The following NR1I3 variants were observed in gnomAD, a reference collection of about 807,000 sequenced individuals.
NR1I3 encodes the protein constitutive activator of retinoid response.
In NR1I3, 30 loss-of-function variants were observed where a neutral mutation model predicts 38.4. That is an observed-to-expected ratio of 0.78 (90% confidence interval 0.58 to 1.06). The LOEUF (loss-of-function observed/expected upper bound fraction) is 1.06, where lower values mean the gene tolerates loss of function less well. NR1I3 is among the 50% of genes least tolerant of loss of function. The pLI is 0.00. For synonymous variants in NR1I3, 143 were observed against 165.1 expected (o/e 0.87, Z 1.03); for missense variants, 388 against 435.7 (o/e 0.89, Z 0.97).
chr1:161,235,652 G>C, intron 3 of NR1I3, 195 bp downstream of exon 3: 1 of 570,002 alleles, frequency 1.8e-6, no homozygotes, highest in South Asian at 2.0e-5. Context: ...AGTCTGAAAG[G>C]TGTTGTGGGA....
chr1:161,236,451 A>T lies in NR1I3; in HGVS notation c.107+8T>A, dbSNP rs372989082. On this transcript the variant is annotated splice_region_variant and intron_variant, in intron 2 of 8. Coordinates refer to ENST00000367983, the MANE Select transcript of NR1I3 (RefSeq NM_005122.5). Reference sequence around the variant, plus strand: ...GAGGGCTATTTCCATTGGGGAGGAGACTCTCACCTGAAGAAACCCTTGCAG... The same window carrying T: ...GAGGGCTATTTCCATTGGGGAGGAGTCTCTCACCTGAAGAAACCCTTGCAG... 4 of 1,613,764 alleles carry T rather than the reference A, an allele frequency of 2.5e-6. No homozygotes were observed. Among genetic ancestry groups the T allele is most frequent in the Non-Finnish European group, 3.4e-6 (4 of 1,179,902 alleles).
Position 161,231,205 on chromosome 1 carries a change from CA to C in NR1I3, c.722del (p.Leu241CysfsTer50), listed in dbSNP as rs751049065. Reference protein sequence around the residue: ...RVGFQVEFLELLFHFHGTLRK... With the variant: ...RVGFQVEFLEXLFHFHGTLRK... The stretch of plus-strand genomic sequence containing the variant: ...GTAGTGTTCCATGGAAGTGAAAGAG[CA>C]ACTCCAAAAACTCTACCTGGAACCC... On this transcript the variant is annotated frameshift_variant, in exon 7 of 9. Coordinates refer to ENST00000367983, the MANE Select transcript of NR1I3 (RefSeq NM_005122.5). LOFTEE classifies it high-confidence loss of function. 8 of 1,614,106 alleles carry C rather than the reference CA, an allele frequency of 5.0e-6. No individual in the cohort carries two copies. The South Asian group carries it at 5.5e-5, about 11-fold the overall frequency.
intron 1 of NR1I3, among the ~76,000 whole-genome samples, chr1:161,237,010 G>C (rs1452620686): frequency 6.7e-6 from 1 of 149,984 alleles, no homozygotes; most frequent in African/African-American, 2.5e-5. Context: ...TTTTGAGATA[G>C]AGTCTTACTC....
intron 7 of NR1I3, 50 bp downstream of exon 7, chr1:161,231,059 CTGAGTATT>C: frequency 6.2e-6 from 10 of 1,613,598 alleles, no homozygotes; most frequent in Non-Finnish European, 8.5e-6. Flanking sequence ...ACTCAAGGAG[CTGAGTATT>C]TGGGCAGAGG....
chr1:161,233,975 A>T (rs565073952), intron 3 of NR1I3, among the ~76,000 whole-genome samples: 1 of 150,892 alleles, frequency 6.6e-6, no homozygotes, highest in East Asian at 1.9e-4. Context: ...ATATGTGTAT[A>T]TATATATTTT....
rs1667715202 is a variant in NR1I3, at chr1:161,233,079, T to TA, written c.408+89_408+90insT. The TA allele has an allele frequency of 3.8e-6, 6 of 1,576,606 alleles. No individual in the cohort carries two copies. In the African/African-American group the frequency reaches 5.4e-5, roughly 14 times the overall value. On this transcript the variant is annotated intron_variant, in intron 4 of 8. Transcript: ENST00000367983. ...GGGTTCTGGAGATCTGTTCTCAGTA[T>TA]CAGTGCATGGCATACACCCCTCTCC... is the stretch of plus-strand genomic sequence containing the variant.
chr1:161,236,128 T>G (rs2102193564), intron 2 of NR1I3, 151 bp from the exon 3 acceptor site: 5 of 844,274 alleles, frequency 5.9e-6, no homozygotes, highest in East Asian at 2.7e-5. Context: ...ATCCAACACA[T>G]CTCAAGCATT....
chr1:161,230,716 G>T, intron 8 of NR1I3, 97 bp downstream of exon 8: 1 of 1,544,936 alleles, frequency 6.5e-7, no homozygotes. Context: ...AATTCCCTAA[G>T]GAAAGGACAG....
Position 161,233,393 on chromosome 1 carries a change from T to G in NR1I3, c.239-55A>C, listed in dbSNP as rs1288171547. On this transcript the variant is annotated intron_variant, in intron 3 of 8. Transcript: ENST00000367983. ...TGTTGAGACCAGCAGAGCATTTCTC[T>G]CTGCTGGTCCCTGATCTGGGGCCCC... 3.8e-6 allele frequency: 6 copies of G among 1,579,000 alleles called. No individual in the cohort carries two copies. The East Asian group carries it at 1.4e-4, about 36-fold the overall frequency.
At chr1:161,230,055 T>A (rs911806264) in intron 8 of NR1I3, 129 bp from the exon 9 acceptor site, 1 of 1,124,212 alleles carries the variant, frequency 8.9e-7, no homozygotes, top group Non-Finnish European at 1.3e-6. Flanking sequence ...GAGAAAATCA[T>A]GCTCTGGTAT....
At chr1:161,236,184 A>C in intron 2 of NR1I3, 4 of 657,350 alleles carry the variant, frequency 6.1e-6, no homozygotes, top group South Asian at 4.0e-5. Flanking sequence ...TTGATGTAGT[A>C]CTAGCTAGGT....
At position 161,229,913 on chromosome 1, in the gene NR1I3, T is replaced by A; in HGVS notation, c.931A>T (p.Lys311Ter). ...RRPRDRFLYA[K>*]LLGLLAELRS... ...AGCTCAGCCAGCAGGCCTAGCAACT[T>A]CGCATACAGAAACCTTTGGAGGAAG... is the stretch of plus-strand genomic sequence containing the variant. The change falls in exon 9 of 9, where the codon AAG becomes TAG. Residue 311 changes from lysine to a stop codon, truncating the protein, a stop_gained. Transcript: ENST00000367983. LOFTEE classifies it high-confidence loss of function. The A allele has an allele frequency of 6.2e-7, 1 of 1,614,144 alleles. No homozygotes were observed. Among genetic ancestry groups the A allele is most frequent in the South Asian group, 1.1e-5 (1 of 91,082 alleles).
intron 1 of NR1I3, 48 bp downstream of exon 1, chr1:161,237,993 A>G (rs373633941): frequency 1.3e-6 from 2 of 1,551,912 alleles, no homozygotes; most frequent in Non-Finnish European, 1.8e-6. Flanking sequence ...CCCCAGCATT[A>G]TCTGTATTTT....
chr1:161,235,881 C>A lies in NR1I3; in HGVS notation c.204G>T (p.Leu68Phe). 1 of 1,614,156 alleles carries A rather than the reference C, an allele frequency of 6.2e-7. No individual in the cohort carries two copies. Among genetic ancestry groups the A allele is most frequent in the Non-Finnish European group, 8.5e-7 (1 of 1,179,992 alleles). ...TCATGCCAGCATCTAAGCACTTCTG[C>A]AACCTGCAGGCTGGGCAGTGGCGCC... is the stretch of plus-strand genomic sequence containing the variant. The part of the protein sequence containing the change: ...TQRRHCPACR[L>F]QKCLDAGMRK... The change falls in exon 3 of 9, where the codon TTG becomes TTT. Residue 68 changes from leucine to phenylalanine, a missense_variant. Leu to Phe is a conservative substitution (Grantham distance 22, BLOSUM62 0). Transcript: ENST00000367983.
chr1:161,237,332 A>G (rs1668799090), intron 1 of NR1I3, among the ~76,000 whole-genome samples: 1 of 150,838 alleles, frequency 6.6e-6, no homozygotes, highest in Admixed American at 6.6e-5. Context: ...CCGCCTCCTG[A>G]GTAGCTGGGA....
intron 1 of NR1I3, among the ~76,000 whole-genome samples, 183 bp from the exon 2 acceptor site, chr1:161,236,781 A>C (rs1668680925): frequency 6.7e-6 from 1 of 150,208 alleles, no homozygotes; most frequent in South Asian, 2.1e-4. Flanking sequence ...TTGCTCTGTC[A>C]CCTAGGCTAG....
intron 3 of NR1I3, chr1:161,235,630 A>G (rs1668465242): frequency 4.1e-6 from 2 of 488,892 alleles, no homozygotes; most frequent in Non-Finnish European, 7.3e-6. Context: ...AAGGGGGAAG[A>G]GTATGAAATA....
At chr1:161,234,508 T>C (rs1374470469) in intron 3 of NR1I3, among the ~76,000 whole-genome samples, 1 of 152,218 alleles carries the variant, frequency 6.6e-6, no homozygotes, top group East Asian at 1.9e-4. Context: ...TCGTGTGATA[T>C]GGAAAAAGCA....
chr1:161,236,006 C>T, intron 2 of NR1I3, 29 bp from the exon 3 acceptor site: 1 of 1,558,638 alleles, frequency 6.4e-7, no homozygotes, highest in Non-Finnish European at 8.7e-7. Context: ...TTGTTAGAGT[C>T]TGGGATGCAA....
Sources: allele counts gnomAD v4.1 joint callset (sites outside exome capture counted in the v4.1 genomes callset), GRCh38; gene constraint gnomAD v4.1.1; transcripts MANE v1.5; gene names NCBI Gene and HGNC (gene_info 2026-07-23, HGNC 2026-07-21).